The following SBF2 variants were observed in gnomAD, a reference collection of about 807,000 sequenced individuals.
SBF2 encodes SET binding factor 2, also known as myotubularin-related protein 13.
A neutral mutation model predicts 225.2 loss-of-function variants in SBF2; 112 were observed. The ratio of observed to expected loss-of-function variants is 0.50; its 90% CI spans 0.43 to 0.58. SBF2 has a LOEUF of 0.58. Among genes scored for constraint, SBF2 ranks in the 20% least tolerant of loss-of-function variants. The pLI is 0.00. For synonymous variants in SBF2, 763 were observed against 773.3 expected (o/e 0.99, Z 0.22); for missense variants, 1,996 against 2,206.2 (o/e 0.90, Z 1.91).
rs56057774 is a variant in SBF2, at chr11:9,782,874, GAAAAAAA to G, written c.5320-1243_5320-1237del. 2.3e-4 allele frequency among the ~76,000 whole-genome samples: 26 copies of G among 114,830 alleles called. No homozygotes were observed. In the East Asian group the frequency reaches 6.1e-3, roughly 27 times the overall value. The allele number at this position is 114,830 out of a possible 152,430, so 75.3% of individuals were successfully genotyped here. A position where few individuals can be genotyped will look rare whatever the true frequency, so the allele number is the denominator to read the frequency against. On this transcript the variant is annotated intron_variant, in intron 38 of 39. Coordinates refer to ENST00000256190, the MANE Select transcript of SBF2 (RefSeq NM_030962.4). The stretch of plus-strand genomic sequence containing the variant: ...GACAAAGCGAGACTCTGTCTCAAAA[GAAAAAAA>G]AAAAAAAAGAAAAAAGGAAAAAAGT...
intron 38 of SBF2, 58 bp downstream of exon 38, chr11:9,784,293 G>A: frequency 1.6e-6 from 2 of 1,260,846 alleles, no homozygotes; most frequent in Non-Finnish European, 2.3e-6. Flanking sequence ...CCACATAATA[G>A]CCAGGGACTG....
At chr11:10,141,133 T>C (rs1172378706) in intron 2 of SBF2, among the ~76,000 whole-genome samples, 1 of 152,186 alleles carries the variant, frequency 6.6e-6, no homozygotes, top group Non-Finnish European at 1.5e-5. Context: ...CTTAAATCTA[T>C]ACCTGTGAAT....
At chr11:10,128,988 TAA>T (rs145426055) in intron 2 of SBF2, among the ~76,000 whole-genome samples, 1,677 of 152,054 alleles carry the variant, frequency 0.011, 37 homozygotes, top group African/African-American at 0.038. Flanking sequence ...GACTACAGGC[TAA>T]AAGAGTCATG....
intron 1 of SBF2, chr11:10,272,112 C>T: frequency 8.8e-7 from 1 of 1,139,618 alleles, no homozygotes; most frequent in Non-Finnish European, 1.2e-6. Flanking sequence ...GGAACACCCA[C>T]CAGCAGGGCA....
intron 1 of SBF2, among the ~76,000 whole-genome samples, chr11:10,230,498 C>T (rs1958794961): frequency 1.3e-5 from 2 of 152,184 alleles, no homozygotes; most frequent in Admixed American, 1.3e-4. Context: ...TCTTTTAGGG[C>T]AGGCCTGGTG....
intron 3 of SBF2, among the ~76,000 whole-genome samples, chr11:10,039,821 G>C (rs1761497300): frequency 6.6e-6 from 1 of 151,766 alleles, no homozygotes; most frequent in South Asian, 2.1e-4. Flanking sequence ...TTTCTAAAAG[G>C]AGATCTGTGA....
intron 2 of SBF2, among the ~76,000 whole-genome samples, chr11:10,122,416 T>C (rs1299410634): frequency 2.0e-5 from 3 of 152,168 alleles, no homozygotes; most frequent in African/African-American, 7.2e-5. Context: ...CTAATATATA[T>C]TTATGTATTT....
intron 14 of SBF2, among the ~76,000 whole-genome samples, chr11:9,967,058 G>A (rs1225620811): frequency 1.3e-5 from 2 of 152,018 alleles, no homozygotes; most frequent in Non-Finnish European, 2.9e-5. Context: ...TCCAAACAAC[G>A]GAGTATTATT....
intron 1 of SBF2, among the ~76,000 whole-genome samples, chr11:10,279,075 C>A (rs1327969446): frequency 7.5e-6 from 1 of 133,170 alleles, no homozygotes; most frequent in Non-Finnish European, 1.6e-5. Context: ...GCATTCCAGC[C>A]TGGGCAACAG....
At chr11:9,951,251 C>A (rs1245331168) in intron 16 of SBF2, among the ~76,000 whole-genome samples, 1 of 152,146 alleles carries the variant, frequency 6.6e-6, no homozygotes, top group Non-Finnish European at 1.5e-5. Flanking sequence ...TAGATATAGG[C>A]AGGGGCCAAG....
At chr11:10,265,418 TTTTTG>T (rs1201696257) in intron 1 of SBF2, among the ~76,000 whole-genome samples, 2 of 146,488 alleles carry the variant, frequency 1.4e-5, no homozygotes, top group African/African-American at 5.0e-5. Flanking sequence ...CTTTGCCCAC[TTTTTG>T]ATGGGGTTGT....
chr11:10,168,591 TTA>T (rs1307487462), intron 2 of SBF2, among the ~76,000 whole-genome samples: 13 of 152,184 alleles, frequency 8.5e-5, no homozygotes, highest in African/African-American at 2.9e-4. Context: ...AGGTAAATAT[TTA>T]TATGAATTTG....
intron 2 of SBF2, among the ~76,000 whole-genome samples, chr11:10,165,942 A>C (rs951168654): frequency 1.3e-5 from 2 of 152,216 alleles, no homozygotes; most frequent in Non-Finnish European, 2.9e-5. Flanking sequence ...TAATGGTCCT[A>C]TAAACTCACA....
intron 17 of SBF2, among the ~76,000 whole-genome samples, chr11:9,866,585 A>G (rs1219592872): frequency 6.6e-6 from 1 of 152,212 alleles, no homozygotes; most frequent in African/African-American, 2.4e-5. Context: ...AATCAAAATG[A>G]ATTAAAGACT....
intron 16 of SBF2, among the ~76,000 whole-genome samples, chr11:9,903,028 AG>A (rs1861844245): frequency 6.6e-6 from 1 of 152,066 alleles, no homozygotes; most frequent in Non-Finnish European, 1.5e-5. Context: ...AACTCAGAAA[AG>A]GGAAACAATT....
At chr11:9,986,647 C>T (rs890949296) in intron 13 of SBF2, among the ~76,000 whole-genome samples, 1 of 151,958 alleles carries the variant, frequency 6.6e-6, no homozygotes, top group African/African-American at 2.4e-5. Context: ...CAAGGCAACA[C>T]CTTTACGCAC....
chr11:10,155,416 C>T (rs1007281614), intron 2 of SBF2, among the ~76,000 whole-genome samples: 4 of 151,968 alleles, frequency 2.6e-5, no homozygotes, highest in Non-Finnish European at 5.9e-5. Context: ...AGTATGAGGC[C>T]TCCCTGGTTC....
chr11:9,845,859 T>A (rs916547007), intron 23 of SBF2, 119 bp from the exon 24 acceptor site: 1 of 858,012 alleles, frequency 1.2e-6, no homozygotes, highest in Non-Finnish European at 1.9e-6. Context: ...GGACTTTGGA[T>A]AACATGCAAT....
At chr11:10,132,079 T>C (rs1052566975) in intron 2 of SBF2, among the ~76,000 whole-genome samples, 4 of 152,314 alleles carry the variant, frequency 2.6e-5, no homozygotes, top group Admixed American at 2.0e-4. Context: ...TTTTTGTCTA[T>C]GGATATCCAA....
Sources: gnomAD v4.1 joint callset for allele counts (sites outside exome capture counted in the v4.1 genomes callset) on GRCh38, gnomAD v4.1.1 for gene constraint, MANE v1.5 for transcripts, NCBI Gene and HGNC (gene_info 2026-07-23, HGNC 2026-07-21) for gene names.